Variants in DNAH11 observed in about 807,000 individuals in gnomAD.
DNAH11 encodes the protein dynein axonemal heavy chain 11.
A neutral mutation model predicts 526.0 loss-of-function variants in DNAH11; 442 were observed. The ratio of observed to expected loss-of-function variants is 0.84; its 90% CI spans 0.78 to 0.91. The LOEUF (loss-of-function observed/expected upper bound fraction) is 0.91. Among genes scored for constraint, DNAH11 ranks in the 40% least tolerant of loss-of-function variants. The pLI is 0.00. For missense variants in DNAH11, 6,989 were observed against 5,448.7 expected, an observed-to-expected ratio of 1.28 and a Z score of -8.90; for synonymous variants, 2,461 against 1,935.9, an observed-to-expected ratio of 1.27 and a Z score of -7.12.
At chr7:21,695,812 G>A (rs1783824640) in intron 35 of DNAH11, among the ~76,000 whole-genome samples, 1 of 152,056 alleles carries the variant, frequency 6.6e-6, no homozygotes, top group Non-Finnish European at 1.5e-5. Flanking sequence ...GCAACCTACA[G>A]AATGGGAGAA....
chr7:21,883,943 T>G (rs1784027315), intron 75 of DNAH11, among the ~76,000 whole-genome samples: 1 of 152,136 alleles, frequency 6.6e-6, no homozygotes, highest in African/African-American at 2.4e-5. Context: ...CTTGGGAGGC[T>G]GAGGCGAGAG....
intron 30 of DNAH11, among the ~76,000 whole-genome samples, chr7:21,661,461 G>A (rs566385953): frequency 5.6e-4 from 85 of 151,882 alleles, no homozygotes; most frequent in Non-Finnish European, 1.1e-3. Flanking sequence ...TTTAATACCT[G>A]AAAAATATTT....
chr7:21,606,412 C>G lies in DNAH11; in HGVS notation c.3649-14C>G, dbSNP rs750945230. ...AATTGAAGTAATTTCGCATTTGTGC[C>G]TTTGCTTTTGCAGGAATTACCTGAA... is the stretch of plus-strand genomic sequence containing the variant. On this transcript the variant is annotated splice_polypyrimidine_tract_variant and intron_variant, in intron 18 of 81. Transcript: ENST00000409508. 20 of 1,595,680 alleles carry G rather than the reference C, an allele frequency of 1.3e-5. No homozygotes were observed. The African/African-American group carries it at 2.3e-4, about 18-fold the overall frequency.
Position 21,786,620 on chromosome 7 carries a change from T to C in DNAH11, c.9598-4T>C. On this transcript the variant is annotated splice_region_variant and splice_polypyrimidine_tract_variant and intron_variant, in intron 58 of 81. Coordinates refer to ENST00000409508, the MANE Select transcript of DNAH11 (RefSeq NM_001277115.2). ...TGTACGTGTTTCTGTGTGCTTTTCT[T>C]CAGGTCAACCTCAGTGAGCTGAAAG... The C allele has an allele frequency of 6.2e-7, 1 of 1,608,484 alleles. No individual in the cohort carries two copies. Among genetic ancestry groups the C allele is most frequent in the South Asian group, 1.1e-5 (1 of 90,270 alleles).
chr7:21,875,063 G>T (rs897702284), intron 74 of DNAH11, among the ~76,000 whole-genome samples: 3 of 152,178 alleles, frequency 2.0e-5, no homozygotes, highest in African/African-American at 7.2e-5. Flanking sequence ...CAGTGTTGAA[G>T]AATGCAGTTA....
chr7:21,694,220 T>C (rs1046091893), intron 35 of DNAH11, among the ~76,000 whole-genome samples: 7 of 152,230 alleles, frequency 4.6e-5, no homozygotes, highest in African/African-American at 1.7e-4. Context: ...CTGGGATACA[T>C]GTGCAGAATG....
chr7:21,812,249 C>G (rs1046410436), intron 63 of DNAH11, among the ~76,000 whole-genome samples: 1 of 152,122 alleles, frequency 6.6e-6, no homozygotes, highest in African/African-American at 2.4e-5. Flanking sequence ...GATTGTATAT[C>G]TGGAGTCCAT....
chr7:21,794,393 A>G (rs1436379531), intron 61 of DNAH11, among the ~76,000 whole-genome samples: 3 of 152,138 alleles, frequency 2.0e-5, no homozygotes, highest in African/African-American at 7.2e-5. Flanking sequence ...TTTCTAGAGT[A>G]TGTTTGCTTA....
rs531303537 is a variant in DNAH11, at chr7:21,735,794, T to A, written c.7595T>A (p.Ile2532Lys). Residue 2532 changes from isoleucine (I) to lysine (K), a missense_variant, in exon 46 of 82, where the codon ATA becomes AAA. Ile to Lys is a moderately radical substitution (Grantham distance 102). Transcript: ENST00000409508. Reference protein sequence around the residue: ...DTLASLSEDYIVSRVPFNYYT... With the variant: ...DTLASLSEDYKVSRVPFNYYT... ...TTGGCAAGTCTCTCTGAGGATTACA[T>A]AGTATCCCGTGTGCCTTTCAACTAC... is the stretch of plus-strand genomic sequence containing the variant. The A allele has an allele frequency of 5.0e-6, 8 of 1,613,942 alleles. No homozygotes were observed. In the East Asian group the frequency reaches 1.6e-4, roughly 31 times the overall value.
chr7:21,826,991 G>T (rs1790327102), intron 65 of DNAH11, among the ~76,000 whole-genome samples: 1 of 152,194 alleles, frequency 6.6e-6, no homozygotes, highest in Admixed American at 6.5e-5. Flanking sequence ...TAATTGGAAT[G>T]TTGTGGAGTG....
At chr7:21,576,318 C>T (rs1038026213) in intron 8 of DNAH11, among the ~76,000 whole-genome samples, 3 of 152,308 alleles carry the variant, frequency 2.0e-5, no homozygotes, top group African/African-American at 7.2e-5. Flanking sequence ...CGGCCACAAA[C>T]AACCCTTGAA....
intron 3 of DNAH11, among the ~76,000 whole-genome samples, chr7:21,559,395 T>C (rs1163587951): frequency 6.6e-6 from 1 of 152,204 alleles, no homozygotes; most frequent in Non-Finnish European, 1.5e-5. Context: ...GAGGATATAA[T>C]TCTTTAACAG....
At position 21,636,058 on chromosome 7, in the gene DNAH11, A is replaced by G. The variant is rs1442419869; in HGVS notation, c.4688A>G (p.Asp1563Gly). Reference sequence around the variant, plus strand: ...GATATTCGAATCCAGCTTGTGAAAGATGCTAGAAGATTTGATGGGGTGGAT... The same window carrying G: ...GATATTCGAATCCAGCTTGTGAAAGGTGCTAGAAGATTTGATGGGGTGGAT... ...SEDIRIQLVK[D>G]ARRFDGVDAE... Residue 1563 changes from aspartate (D) to glycine (G), a missense_variant, in exon 26 of 82, where the codon GAT (aspartate) becomes GGT (glycine). Transcript: ENST00000409508. 3.1e-6 allele frequency: 5 copies of G among 1,613,324 alleles called. No homozygotes were observed. Among genetic ancestry groups the G allele is most frequent in the Non-Finnish European group, 4.2e-6 (5 of 1,179,522 alleles).
At chr7:21,723,448 C>T (rs191121795) in intron 44 of DNAH11, among the ~76,000 whole-genome samples, 15 of 152,340 alleles carry the variant, frequency 9.8e-5, no homozygotes, top group Non-Finnish European at 1.8e-4. Context: ...TCAACTTTAT[C>T]TGAACTCCCA....
intron 76 of DNAH11, among the ~76,000 whole-genome samples, chr7:21,887,043 A>G (rs1464145365): frequency 2.0e-5 from 3 of 152,218 alleles, no homozygotes; most frequent in Non-Finnish European, 2.9e-5. Context: ...AACATGATCT[A>G]ACACTTCATC....
chr7:21,612,839 T>G (rs1785588247), intron 20 of DNAH11, among the ~76,000 whole-genome samples: 1 of 152,116 alleles, frequency 6.6e-6, no homozygotes, highest in Non-Finnish European at 1.5e-5. Context: ...TTAAGGAAAA[T>G]AAGTTTCACT....
Position 21,864,526 on chromosome 7 carries a change from A to C in DNAH11, c.11374-9A>C, listed in dbSNP as rs1336287064. 3.1e-6 allele frequency: 5 copies of C among 1,609,276 alleles called. No individual in the cohort carries two copies. The highest frequency in any genetic ancestry group is 1.1e-5 in the South Asian group (1 of 90,334). On this transcript the variant is annotated splice_polypyrimidine_tract_variant and intron_variant, in intron 69 of 81. Transcript: ENST00000409508. Reference sequence around the variant, plus strand: ...CTAATAATCCTTTTCAATTTTGTCTACTCTCAAGATTTTGTTGAGAAAGAA... The same window carrying C: ...CTAATAATCCTTTTCAATTTTGTCTCCTCTCAAGATTTTGTTGAGAAAGAA...
At chr7:21,869,420 C>T (rs1305875415) in intron 73 of DNAH11, among the ~76,000 whole-genome samples, 2 of 151,976 alleles carry the variant, frequency 1.3e-5, no homozygotes, top group South Asian at 2.1e-4. Context: ...AAACCAGGTC[C>T]TTGTCACACA....
chr7:21,806,838 C>T (rs1033028248), intron 62 of DNAH11, among the ~76,000 whole-genome samples: 2 of 152,112 alleles, frequency 1.3e-5, no homozygotes, highest in Admixed American at 6.6e-5. Context: ...CATACTTAAC[C>T]TGTAAATCAG....
Sources: allele counts gnomAD v4.1 joint callset (sites outside exome capture counted in the v4.1 genomes callset), GRCh38; gene constraint gnomAD v4.1.1; transcripts MANE v1.5; gene names NCBI Gene and HGNC (gene_info 2026-07-23, HGNC 2026-07-21).